The following CREBRF variants were observed in gnomAD, a reference collection of about 807,000 sequenced individuals.
CREBRF encodes CREB3 regulatory factor.
Under a neutral mutation model 66.1 loss-of-function variants are expected in CREBRF, and 5 were observed. The ratio of observed to expected loss-of-function variants is 0.08; its 90% CI spans 0.04 to 0.16. The LOEUF is 0.16. CREBRF is among the 10% of genes least tolerant of loss of function. CREBRF has a pLI of 1.00. For synonymous variants in CREBRF, 229 were observed against 264.4 expected, an observed-to-expected ratio of 0.87 and a Z score of 1.30; for missense variants, 531 against 744.9, an observed-to-expected ratio of 0.71 and a Z score of 3.34.
At chr5:173,066,972 C>T (rs1757454446) in intron 1 of CREBRF, among the ~76,000 whole-genome samples, 1 of 151,656 alleles carries the variant, frequency 6.6e-6, no homozygotes, top group African/African-American at 2.4e-5. Context: ...CATCATCATG[C>T]CTGATTAATT....
intron 1 of CREBRF, among the ~76,000 whole-genome samples, chr5:173,076,166 G>A (rs147779270): frequency 6.6e-6 from 1 of 152,220 alleles, no homozygotes; most frequent in East Asian, 1.9e-4. Context: ...ATCTGTTGAG[G>A]GTCATCCCAT....
intron 1 of CREBRF, among the ~76,000 whole-genome samples, chr5:173,071,087 C>T (rs2113680445): frequency 6.6e-6 from 1 of 152,182 alleles, no homozygotes; most frequent in East Asian, 1.9e-4. Context: ...ACTGGAAGTT[C>T]TTAGTGGAGT....
chr5:173,085,531 C>A, intron 2 of CREBRF: 1 of 551,810 alleles, frequency 1.8e-6, no homozygotes, highest in Non-Finnish European at 3.2e-6. Context: ...ATTCTCCTAC[C>A]TCAGCCTCCT....
chr5:173,082,675 A>G (rs1757992816), intron 2 of CREBRF, among the ~76,000 whole-genome samples: 1 of 151,892 alleles, frequency 6.6e-6, no homozygotes, highest in South Asian at 2.1e-4. Context: ...TGGGAGGCCA[A>G]GGTGGGCGGA....
rs528767424 is a variant in CREBRF at position 173,121,097 on chromosome 5, A to G, written c.1682-1983A>G. The stretch of plus-strand genomic sequence containing the variant: ...ACCATATTTTCTTATTATCCTTTTA[A>G]TATCTGTAGATTCTAAAGTGATAAC... On this transcript the variant is annotated intron_variant, in intron 7 of 8. Transcript: ENST00000296953. 1.1e-4 allele frequency among the ~76,000 whole-genome samples: 16 copies of G among 152,264 alleles called. 1 individual carries two copies. The South Asian group carries it at 3.3e-3, about 32-fold the overall frequency.
intron 4 of CREBRF, among the ~76,000 whole-genome samples, chr5:173,104,736 A>AGT (rs1181934827): frequency 6.6e-6 from 1 of 150,750 alleles, no homozygotes; most frequent in Non-Finnish European, 1.5e-5. Context: ...AGAGAGAGAG[A>AGT]GAGAGTGTGT....
chr5:173,064,691 A>G (rs1349464068), intron 1 of CREBRF, among the ~76,000 whole-genome samples: 9 of 151,742 alleles, frequency 5.9e-5, no homozygotes, highest in Admixed American at 4.6e-4. Context: ...CAGCCTTCCA[A>G]GTAGCTGGGA....
intron 8 of CREBRF, among the ~76,000 whole-genome samples, chr5:173,128,572 T>C (rs1160315453): frequency 6.6e-6 from 1 of 152,040 alleles, no homozygotes; most frequent in Non-Finnish European, 1.5e-5. Flanking sequence ...TGTCAGGATG[T>C]TTGAATAGTA....
chr5:173,123,872 A>G (rs1759200300), intron 8 of CREBRF: 1 of 152,180 alleles, frequency 6.6e-6, no homozygotes, highest in Admixed American at 6.5e-5. Context: ...TGAAGAGTAG[A>G]CCCTAATCGC....
intron 2 of CREBRF, chr5:173,085,346 C>G (rs2113722298): frequency 2.4e-6 from 3 of 1,229,948 alleles, no homozygotes; most frequent in South Asian, 2.4e-5. Context: ...CATAGCAGCA[C>G]ACACCTGCGG....
intron 1 of CREBRF, chr5:173,068,196 C>A: frequency 2.3e-6 from 1 of 435,970 alleles, no homozygotes; most frequent in Non-Finnish European, 4.6e-6. Context: ...ATTAAGAATA[C>A]TGACTGCCTG....
chr5:173,090,874 A>G lies in CREBRF; in HGVS notation c.695A>G (p.Lys232Arg). 6.2e-7 allele frequency: 1 copy of G among 1,614,180 alleles called. No individual in the cohort carries two copies. The highest frequency in any genetic ancestry group is 8.5e-7 in the Non-Finnish European group (1 of 1,180,032). The change falls in exon 4 of 9, where the codon AAA becomes AGA. Residue 232 changes from lysine to arginine, a missense_variant. Lys to Arg is a conservative substitution (Grantham distance 26, BLOSUM62 2). Coordinates refer to ENST00000296953, the MANE Select transcript of CREBRF (RefSeq NM_153607.3). This position sits in a 1 kb window ranked among gnomAD's most constrained non-coding sequence, Gnocchi z 4.5. Reference sequence around the variant, plus strand: ...AAGGTGAACTTTCATGTTGAATGTAAAGACTATGTAAAAAAGGCAAAGGTA... The same window carrying G: ...AAGGTGAACTTTCATGTTGAATGTAGAGACTATGTAAAAAAGGCAAAGGTA... The part of the protein sequence containing the change: ...NEKVNFHVEC[K>R]DYVKKAKVKI...
At chr5:173,091,435 C>CT in intron 4 of CREBRF, 34 bp downstream of exon 4, 1 of 1,582,824 alleles carries the variant, frequency 6.3e-7, no homozygotes, top group South Asian at 1.1e-5. Context: ...CCAGACTGAC[C>CT]TTTGTATTAC....
rs1758303560 is a variant in CREBRF, at chr5:173,090,816, A to G, written c.637A>G (p.Ile213Val). 6.2e-7 allele frequency: 1 copy of G among 1,614,152 alleles called. No homozygotes were observed. The highest frequency in any genetic ancestry group is 8.5e-7 in the Non-Finnish European group (1 of 1,180,026). Residue 213 changes from isoleucine (I) to valine (V), a missense_variant, in exon 4 of 9, where the codon ATC becomes GTC. This residue lies in a region of CREBRF where 309 missense variants were observed against 341.4 expected (regional missense o/e 0.90). Transcript: ENST00000296953. The surrounding 1 kb of genome is among the most constrained non-coding windows in gnomAD (Gnocchi z 4.5). ...KASKPTSSTQIMVKTNMYHNE... is the reference protein window; with the variant it reads ...KASKPTSSTQVMVKTNMYHNE... The stretch of plus-strand genomic sequence containing the variant: ...AAGTAAACCCACTTCAAGCACACAA[A>G]TCATGGTGAAGACCAACATGTATCA...
intron 8 of CREBRF, chr5:173,123,836 G>A (rs1357766323): frequency 2.6e-5 from 4 of 152,174 alleles, no homozygotes; most frequent in Admixed American, 2.6e-4. Flanking sequence ...TTGAACAAAA[G>A]TATATTTATA....
chr5:173,062,441 G>A (rs933978536), intron 1 of CREBRF, among the ~76,000 whole-genome samples: 3 of 152,114 alleles, frequency 2.0e-5, no homozygotes, highest in African/African-American at 4.8e-5. Flanking sequence ...ATTAATCACC[G>A]TCTGTTCAAA....
intron 2 of CREBRF, among the ~76,000 whole-genome samples, 182 bp downstream of exon 2, chr5:173,080,966 C>CT (rs1757922979): frequency 6.6e-6 from 1 of 152,114 alleles, no homozygotes; most frequent in Non-Finnish European, 1.5e-5. Context: ...TCTTACTTTG[C>CT]TATCACTTGA....
intron 1 of CREBRF, among the ~76,000 whole-genome samples, chr5:173,058,718 T>C (rs1413528178): frequency 8.6e-5 from 13 of 150,462 alleles, no homozygotes; most frequent in African/African-American, 2.9e-4. Context: ...ATCTCCTGAC[T>C]TCGTGATCCG....
At chr5:173,086,687 T>A in intron 3 of CREBRF, 61 bp downstream of exon 3, 3 of 1,494,160 alleles carry the variant, frequency 2.0e-6, no homozygotes, top group Non-Finnish European at 2.7e-6. Context: ...TGTGGGAGAG[T>A]TTTTTGTTTA....
Sources: gnomAD v4.1 joint callset for allele counts (sites outside exome capture counted in the v4.1 genomes callset) on GRCh38, gnomAD v4.1.1 for gene constraint, gnomAD v4.1.1 regional missense constraint, Gnocchi (gnomAD v3.1) non-coding constraint, MANE v1.5 for transcripts, NCBI Gene and HGNC (gene_info 2026-07-23, HGNC 2026-07-21) for gene names.